DNAH1: variants seen among roughly 807,000 people sequenced by gnomAD.
DNAH1 encodes axonemal beta dynein heavy chain 1.
DNAH1 carries 327 observed loss-of-function variants against 484.3 expected under a neutral mutation model. The ratio of observed to expected loss-of-function variants is 0.68; its 90% confidence interval spans 0.62 to 0.74. DNAH1 has a LOEUF of 0.74. DNAH1 is among the 30% of genes least tolerant of loss of function. DNAH1 has a pLI of 0.00. For synonymous variants in DNAH1, 2,192 were observed against 2,191.9 expected, an observed-to-expected ratio of 1.00 and a Z score of 0.00; for missense variants, 5,052 against 5,546.8, an observed-to-expected ratio of 0.91 and a Z score of 2.83.
intron 27 of DNAH1, 110 bp downstream of exon 27, chr3:52,360,189 A>T: frequency 6.5e-7 from 1 of 1,541,664 alleles, no homozygotes; most frequent in Non-Finnish European, 8.9e-7. Context: ...AGGTTCTGGG[A>T]CAAGCTGGGT....
rs193242312 is a variant in DNAH1, at chr3:52,331,172, A to G, written c.896A>G (p.Lys299Arg). 1.2e-6 allele frequency: 2 copies of G among 1,601,242 alleles called. No individual in the cohort carries two copies. ...GHEDPKSQKLKYKWCEVGVLD... is the reference protein window; with the variant it reads ...GHEDPKSQKLRYKWCEVGVLD... ...GAGGACCCCAAGAGTCAGAAGCTGAAGTACAAATGGTGCGAGGTCGGCGTC... is the reference window on the plus strand; with the variant it reads ...GAGGACCCCAAGAGTCAGAAGCTGAGGTACAAATGGTGCGAGGTCGGCGTC... The change falls in exon 7 of 78, where the codon AAG becomes AGG. Residue 299 changes from lysine to arginine, a missense_variant. By Grantham distance (26) the Lys-to-Arg change is conservative. Coordinates refer to ENST00000420323, the MANE Select transcript of DNAH1 (RefSeq NM_015512.5).
At chr3:52,322,317 G>A in intron 1 of DNAH1, 92 bp from the exon 2 acceptor site, 1 of 828,086 alleles carries the variant, frequency 1.2e-6, no homozygotes, top group South Asian at 1.8e-5. Flanking sequence ...ATGGGCTGGG[G>A]CTTGTGGCAG....
intron 11 of DNAH1, 77 bp downstream of exon 11, chr3:52,346,847 AC>A (rs966260633): frequency 5.4e-6 from 8 of 1,481,204 alleles, no homozygotes; most frequent in Non-Finnish European, 7.3e-6. Context: ...AGGGTCAGGG[AC>A]CAGGGCCAGG....
chr3:52,327,567 A>G (rs1355323110), intron 5 of DNAH1, among the ~76,000 whole-genome samples: 4 of 152,174 alleles, frequency 2.6e-5, no homozygotes, highest in African/African-American at 4.8e-5. Context: ...AGTGGGAGAA[A>G]GAACCCACCA....
rs368577542 is a variant in DNAH1 at position 52,326,141 on chromosome 3, C to A, written c.408C>A (p.Val136=). 1.8e-5 allele frequency: 29 copies of A among 1,593,840 alleles called. No individual in the cohort carries two copies. In the South Asian group the frequency reaches 2.7e-4, roughly 15 times the overall value. The change falls in exon 4 of 78, where the codon GTC becomes GTA. Residue 136 remains valine, a splice_region_variant and synonymous_variant. Coordinates refer to ENST00000420323, the MANE Select transcript of DNAH1 (RefSeq NM_015512.5). ...CCCTGCCCCTGCTTCTACCTGCAGTCGGAAGCTTTGAGGTTCCTGAAGACT... is the reference window on the plus strand; with the variant it reads ...CCCTGCCCCTGCTTCTACCTGCAGTAGGAAGCTTTGAGGTTCCTGAAGACT... The part of the protein sequence containing the change: ...QADLDKFTPR[V]GSFEVPEDFQ...
rs138304417 is a variant in DNAH1 at position 52,355,070 on chromosome 3, C to T, written c.3693+15C>T. 4.3e-5 allele frequency: 70 copies of T among 1,611,476 alleles called. No individual in the cohort carries two copies. The Admixed American group carries it at 9.5e-4, about 22-fold the overall frequency. On this transcript the variant is annotated intron_variant, in intron 21 of 77. Coordinates refer to ENST00000420323, the MANE Select transcript of DNAH1 (RefSeq NM_015512.5). This position sits in a 1 kb window ranked among gnomAD's most constrained non-coding sequence, Gnocchi z 4.5. Reference sequence around the variant, plus strand: ...AGCTGACCCAGGTCGGCCCTCCCCCCAGTCCTTCCCTCATCGCTCCCCCAC... The same window carrying T: ...AGCTGACCCAGGTCGGCCCTCCCCCTAGTCCTTCCCTCATCGCTCCCCCAC...
chr3:52,325,982 G>T lies in DNAH1; in HGVS notation c.407-158G>T, dbSNP rs1356186127. Among the ~76,000 whole-genome samples the T allele has an allele frequency of 5.3e-5, 8 of 152,266 alleles. No homozygotes were observed. In the East Asian group the frequency reaches 1.4e-3, roughly 26 times the overall value. ...ATAGCCCCAGGACACCTGGTGCCAT[G>T]CCTGTGTTCTCCCAGCCACTGCCCA... On this transcript the variant is annotated intron_variant, in intron 3 of 77. Coordinates refer to ENST00000420323, the MANE Select transcript of DNAH1 (RefSeq NM_015512.5).
rs747015807 is a variant in DNAH1 at position 52,361,301 on chromosome 3, C to T, written c.4823C>T (p.Ser1608Phe). ...ATACAGACCGTTGTGTTCAACTGCT[C>T]TGACCAGCTCGACTTCATGGCCATG... ...LAIQTVVFNC[S>F]DQLDFMAMGK... is the part of the protein sequence containing the mutation. The change falls in exon 29 of 78, where the codon TCT becomes TTT. Residue 1608 changes from serine (S) to phenylalanine (F), a missense_variant. This residue lies in a region of DNAH1 where 2,929 missense variants were observed against 3,409.4 expected (regional missense o/e 0.86). Transcript: ENST00000420323. The surrounding 1 kb of genome is among the most constrained non-coding windows in gnomAD (Gnocchi z 5.6). The T allele has an allele frequency of 1.1e-5, 18 of 1,607,714 alleles. No individual in the cohort carries two copies. The South Asian group carries it at 1.8e-4, about 16-fold the overall frequency.
At position 52,358,376 on chromosome 3, in the gene DNAH1, G is replaced by T. The variant is rs377715177; in HGVS notation, c.4087-182G>T. Among the ~76,000 whole-genome samples the T allele has an allele frequency of 3.8e-3, 575 of 152,298 alleles. 4 individuals are homozygous for T. Among genetic ancestry groups the T allele is most frequent in the African/African-American group, 0.013 (549 of 41,574 alleles). Reference sequence around the variant, plus strand: ...CCTGGGCTGGGGCCTGACCACTGCTGGGGAGAAGGCAGGCCATCCAGCCTG... The same window carrying T: ...CCTGGGCTGGGGCCTGACCACTGCTTGGGAGAAGGCAGGCCATCCAGCCTG... On this transcript the variant is annotated intron_variant, in intron 24 of 77. Transcript: ENST00000420323. This position sits in a 1 kb window ranked among gnomAD's most constrained non-coding sequence, Gnocchi z 4.2.
chr3:52,399,628 C>G lies in DNAH1; in HGVS notation c.12525C>G (p.Arg4175=). Residue 4175 remains arginine (R), a synonymous_variant, in exon 77 of 78, where the codon CGC becomes CGG. Transcript: ENST00000420323. ...ATGGATTATTCCTGGAAGGTGCCCG[C>G]TGGGATCCAGAGGCCTTCCAGCTGG... ...YIHGLFLEGA[R]WDPEAFQLAE... 3.1e-6 allele frequency: 5 copies of G among 1,614,014 alleles called. No individual in the cohort carries two copies. Among genetic ancestry groups the G allele is most frequent in the Non-Finnish European group, 4.2e-6 (5 of 1,179,892 alleles).
intron 6 of DNAH1, among the ~76,000 whole-genome samples, chr3:52,329,102 T>C (rs1281391478): frequency 6.6e-6 from 1 of 152,256 alleles, no homozygotes; most frequent in African/African-American, 2.4e-5. Flanking sequence ...TTTAACTCAA[T>C]TGTTCCCAGA....
chr3:52,348,919 A>G lies in DNAH1; in HGVS notation c.2138A>G (p.Asp713Gly). The G allele has an allele frequency of 1.2e-6, 2 of 1,612,564 alleles. No individual in the cohort carries two copies. The highest frequency in any genetic ancestry group is 1.7e-6 in the Non-Finnish European group (2 of 1,179,716). Residue 713 changes from aspartate to glycine, a missense_variant, in exon 13 of 78, where the codon GAC becomes GGC. By Grantham distance (94) the Asp-to-Gly change is moderately conservative. Transcript: ENST00000420323. ...LVMEDIFISG[D>G]PLLESVGLHE... Reference sequence around the variant, plus strand: ...ATGGAGGACATCTTCATCAGCGGTGACCCCCTGCTGGAGTCCGTGGGCCTT... The same window carrying G: ...ATGGAGGACATCTTCATCAGCGGTGGCCCCCTGCTGGAGTCCGTGGGCCTT...
intron 41 of DNAH1, among the ~76,000 whole-genome samples, chr3:52,371,703 C>T (rs1703344689): frequency 6.6e-6 from 1 of 152,238 alleles, no homozygotes; most frequent in South Asian, 2.1e-4. Context: ...GCAGGGAGAG[C>T]CCTCTTATGC....
chr3:52,322,355 C>A, intron 1 of DNAH1, 54 bp from the exon 2 acceptor site: 1 of 1,285,582 alleles, frequency 7.8e-7, no homozygotes, highest in Non-Finnish European at 1.1e-6. Flanking sequence ...CCATGTGTCT[C>A]GGGGCTAAGA....
In DNAH1 at chr3:52,398,885, T is replaced by C; in HGVS notation, c.12125T>C (p.Leu4042Pro). 1.9e-6 allele frequency: 3 copies of C among 1,588,142 alleles called. No homozygotes were observed. Among genetic ancestry groups the C allele is most frequent in the Non-Finnish European group, 2.6e-6 (3 of 1,164,450 alleles). Reference sequence around the variant, plus strand: ...CTGCTGCAGGTGATCACACAGACACTGCAAGACCTACTCAAGGCACTCAAG... The same window carrying C: ...CTGCTGCAGGTGATCACACAGACACCGCAAGACCTACTCAAGGCACTCAAG... ...NRLLQVITQTLQDLLKALKGL... is the reference protein window; with the variant it reads ...NRLLQVITQTPQDLLKALKGL... Residue 4042 changes from leucine (L) to proline (P), a missense_variant, in exon 76 of 78, where the codon CTG (leucine) becomes CCG (proline). Physicochemically the swap from Leu to Pro is moderately conservative, Grantham distance 98. This residue lies in a region of DNAH1 where 853 missense variants were observed against 899.0 expected (regional missense o/e 0.95). Transcript: ENST00000420323.
At chr3:52,365,475 C>T (rs1703036141) in intron 34 of DNAH1, among the ~76,000 whole-genome samples, 1 of 152,240 alleles carries the variant, frequency 6.6e-6, no homozygotes, top group Non-Finnish European at 1.5e-5. Context: ...CGTCACTGCG[C>T]TAAAGAAAGA....
Position 52,383,477 on chromosome 3 carries a change from T to C in DNAH1, c.8033T>C (p.Ile2678Thr). 1 of 1,613,964 alleles carries C rather than the reference T, an allele frequency of 6.2e-7. No homozygotes were observed. The highest frequency in any genetic ancestry group is 8.5e-7 in the Non-Finnish European group (1 of 1,179,866). The change falls in exon 51 of 78, where the codon ATC (isoleucine) becomes ACC (threonine). Residue 2678 changes from isoleucine to threonine, a missense_variant. Transcript: ENST00000420323. ...NLYTADEQDQIVSTMRPYIQE... is the reference protein window; with the variant it reads ...NLYTADEQDQTVSTMRPYIQE... Reference sequence around the variant, plus strand: ...TATACTGCGGACGAGCAGGACCAGATCGTCAGCACCATGCGGCCCTATATC... The same window carrying C: ...TATACTGCGGACGAGCAGGACCAGACCGTCAGCACCATGCGGCCCTATATC...
rs778695387 is a variant in DNAH1, at chr3:52,395,539, C to T, written c.11128-8C>T. ...CTGGCCCCCTGCTCAGTGCTCTTGC[C>T]CCTGCAGGGCCCTCGGGCAGAAGCC... is the stretch of plus-strand genomic sequence containing the variant. On this transcript the variant is annotated splice_region_variant and splice_polypyrimidine_tract_variant and intron_variant, in intron 69 of 77. Coordinates refer to ENST00000420323, the MANE Select transcript of DNAH1 (RefSeq NM_015512.5). This position sits in a 1 kb window ranked among gnomAD's most constrained non-coding sequence, Gnocchi z 4.4. The T allele has an allele frequency of 9.9e-6, 16 of 1,613,338 alleles. No individual in the cohort carries two copies. The highest frequency in any genetic ancestry group is 1.4e-5 in the Non-Finnish European group (16 of 1,179,842).
At chr3:52,365,658 G>C (rs901725789) in intron 34 of DNAH1, among the ~76,000 whole-genome samples, 3 of 152,066 alleles carry the variant, frequency 2.0e-5, no homozygotes, top group African/African-American at 7.2e-5. Context: ...AGGTCCTTTG[G>C]TGGGCCTGCA....
Sources: gnomAD v4.1 joint callset for allele counts (sites outside exome capture counted in the v4.1 genomes callset) on GRCh38, gnomAD v4.1.1 for gene constraint, gnomAD v4.1.1 regional missense constraint, Gnocchi (gnomAD v3.1) non-coding constraint, MANE v1.5 for transcripts, NCBI Gene and HGNC (gene_info 2026-07-23, HGNC 2026-07-21) for gene names.